The following TCF4 variants were observed in gnomAD, a reference collection of about 807,000 sequenced individuals.
The protein encoded by TCF4 is SL3-3 enhancer factor 2.
TCF4 carries 3 observed loss-of-function variants against 82.1 expected under a neutral mutation model. That is an observed-to-expected ratio of 0.04 (90% CI 0.02 to 0.09). TCF4 has a LOEUF of 0.09. TCF4 is among the 10% of genes least tolerant of loss of function. TCF4 has a pLI of 1.00. For synonymous variants in TCF4, 276 were observed against 309.6 expected (o/e 0.89, Z 1.14); for missense variants, 518 against 852.7 (o/e 0.61, Z 4.89).
At chr18:55,423,264 CA>C (rs1004525961) in intron 5 of TCF4, among the ~76,000 whole-genome samples, 4 of 150,972 alleles carry the variant, frequency 2.6e-5, no homozygotes, top group African/African-American at 7.3e-5. Flanking sequence ...GGCTCCGTTA[CA>C]AAAAAAAATC....
intron 5 of TCF4, among the ~76,000 whole-genome samples, chr18:55,449,396 C>T (rs1603473140): frequency 6.6e-6 from 1 of 152,312 alleles, no homozygotes; most frequent in East Asian, 1.9e-4. Flanking sequence ...GAATTTAATC[C>T]TGTCAGTAGA....
chr18:55,341,940 G>C (rs899034832), intron 8 of TCF4, among the ~76,000 whole-genome samples: 1 of 152,142 alleles, frequency 6.6e-6, no homozygotes, highest in African/African-American at 2.4e-5. Context: ...TTCATTAAAC[G>C]TGAAGAATCT....
At chr18:55,520,804 C>A (rs567970997) in intron 3 of TCF4, among the ~76,000 whole-genome samples, 1 of 152,302 alleles carries the variant, frequency 6.6e-6, no homozygotes, top group South Asian at 2.1e-4. Context: ...AATTGTCTGA[C>A]ATTGCTCCAC....
In TCF4 at chr18:55,369,482, AG is replaced by A. The variant is rs2088282466; in HGVS notation, c.370-18480del. Reference sequence around the variant, plus strand: ...CCTTTGGCCCCTGTGCCACAATGCCAGTTTCCTTTTCAAGTTAGAGGCGAAA... The same window carrying A: ...CCTTTGGCCCCTGTGCCACAATGCCATTTCCTTTTCAAGTTAGAGGCGAAA... On this transcript the variant is annotated intron_variant, in intron 6 of 19. Transcript: ENST00000354452. Among the ~76,000 whole-genome samples the A allele has an allele frequency of 2.6e-5, 4 of 152,308 alleles. No homozygotes were observed. The South Asian group carries it at 8.3e-4, about 32-fold the overall frequency.
At chr18:55,368,371 G>A (rs1294058572) in intron 6 of TCF4, among the ~76,000 whole-genome samples, 2 of 152,078 alleles carry the variant, frequency 1.3e-5, no homozygotes, top group African/African-American at 4.8e-5. Context: ...ACAGAGGGAG[G>A]CTCTGTCTCC....
At chr18:55,258,450 A>C (rs774410140) in intron 13 of TCF4, among the ~76,000 whole-genome samples, 6 of 152,084 alleles carry the variant, frequency 3.9e-5, no homozygotes, top group Non-Finnish European at 8.8e-5. Context: ...ATGACTGTGC[A>C]TCCTAATTTT....
intron 2 of TCF4, among the ~76,000 whole-genome samples, chr18:55,598,350 G>A (rs2097693335): frequency 6.6e-6 from 1 of 152,184 alleles, no homozygotes; most frequent in African/African-American, 2.4e-5. Context: ...TTAAAACCCA[G>A]CAAATTTGGA....
rs184268073 is a variant in TCF4, at chr18:55,324,286, A to T, written c.549+26073T>A. Among the ~76,000 whole-genome samples the T allele has an allele frequency of 8.6e-4, 131 of 152,352 alleles. 1 individual carries two copies. Among genetic ancestry groups the T allele is most frequent in the Non-Finnish European group, 1.5e-3 (104 of 68,038 alleles). On this transcript the variant is annotated intron_variant, in intron 8 of 19. Coordinates refer to ENST00000354452, the MANE Select transcript of TCF4 (RefSeq NM_001083962.2). ...TGATCTACGAATTATAGCCAGTGAG[A>T]CACTGAACGTATTATCATCCAGTGA...
intron 15 of TCF4, among the ~76,000 whole-genome samples, chr18:55,240,012 CAG>C (rs2050727373): frequency 6.6e-6 from 1 of 152,208 alleles, no homozygotes; most frequent in African/African-American, 2.4e-5. Flanking sequence ...AACAGGCTTT[CAG>C]ACCTCAGTCA....
intron 6 of TCF4, among the ~76,000 whole-genome samples, chr18:55,388,917 A>AT (rs2092829153): frequency 6.6e-6 from 1 of 152,066 alleles, no homozygotes; most frequent in Admixed American, 6.5e-5. Context: ...AGGTCAGGAG[A>AT]TTGAGACCAT....
In TCF4 at chr18:55,461,132, A is replaced by C; in HGVS notation, c.208-17T>G. ...TCCATAGTTCTGTAAATAAAATGAC[A>C]GTGTAAGTTATTATTTTATATTAAT... On this transcript the variant is annotated splice_polypyrimidine_tract_variant and intron_variant, in intron 4 of 19. Coordinates refer to ENST00000354452, the MANE Select transcript of TCF4 (RefSeq NM_001083962.2). The C allele has an allele frequency of 6.3e-7, 1 of 1,591,186 alleles. No homozygotes were observed. Among genetic ancestry groups the C allele is most frequent in the Non-Finnish European group, 8.6e-7 (1 of 1,161,556 alleles).
intron 8 of TCF4, among the ~76,000 whole-genome samples, chr18:55,318,763 T>C (rs929966704): frequency 3.9e-5 from 6 of 152,148 alleles, no homozygotes; most frequent in African/African-American, 1.2e-4. Context: ...TTCACGTTTT[T>C]TTCGTTTGTC....
chr18:55,440,629 C>G (rs1052053605), intron 5 of TCF4, among the ~76,000 whole-genome samples: 1 of 152,170 alleles, frequency 6.6e-6, no homozygotes, highest in Non-Finnish European at 1.5e-5. Flanking sequence ...AGAAACAGCT[C>G]ATTATTATTT....
chr18:55,616,930 T>C (rs902430743), intron 2 of TCF4, among the ~76,000 whole-genome samples: 4 of 152,124 alleles, frequency 2.6e-5, no homozygotes, highest in African/African-American at 9.7e-5. Flanking sequence ...GCAGAAACTT[T>C]TTAGTTTTAT....
chr18:55,599,958 A>G (rs1168218984), intron 2 of TCF4, among the ~76,000 whole-genome samples: 1 of 152,166 alleles, frequency 6.6e-6, no homozygotes, highest in African/African-American at 2.4e-5. Flanking sequence ...ATCCAGTGGA[A>G]TATATCATCC....
intron 5 of TCF4, among the ~76,000 whole-genome samples, chr18:55,429,684 C>A (rs1008283853): frequency 6.2e-5 from 8 of 128,074 alleles, no homozygotes; most frequent in Non-Finnish European, 1.3e-4. Flanking sequence ...TGGCGTGAAC[C>A]CGGGAGGCGG....
Position 55,224,151 on chromosome 18 carries a change from T to C in TCF4, c.*3884A>G, listed in dbSNP as rs1224415276. ...TAACAAAAAGCCAGGCACTGATACA[T>C]GGTAAATCTCTGCTTTTTTTTTTTT... On this transcript the variant is annotated 3_prime_UTR_variant, in exon 20 of 20. Transcript: ENST00000354452. The C allele has an allele frequency of 6.8e-6, 1 of 147,574 alleles. No individual in the cohort carries two copies. Among genetic ancestry groups the C allele is most frequent in the African/African-American group, 2.6e-5 (1 of 39,182 alleles). 9.1% of individuals were successfully genotyped at this position (147,574 alleles called of 1,614,324 possible).
chr18:55,509,847 C>A (rs1247038536), intron 3 of TCF4, among the ~76,000 whole-genome samples: 1 of 152,128 alleles, frequency 6.6e-6, no homozygotes, highest in Non-Finnish European at 1.5e-5. Flanking sequence ...ACTGTTAGGA[C>A]TGCAGCCAGG....
intron 3 of TCF4, among the ~76,000 whole-genome samples, chr18:55,469,928 G>C (rs1052339216): frequency 6.6e-6 from 1 of 152,172 alleles, no homozygotes; most frequent in Admixed American, 6.5e-5. Context: ...AAAATACTGA[G>C]CAGACAAGAT....
Sources: allele counts gnomAD v4.1 joint callset (sites outside exome capture counted in the v4.1 genomes callset), GRCh38; gene constraint gnomAD v4.1.1; transcripts MANE v1.5; gene names NCBI Gene and HGNC (gene_info 2026-07-23, HGNC 2026-07-21).